The following ZNF804B variants were observed in gnomAD, a reference collection of about 807,000 sequenced individuals.
ZNF804B encodes the protein zinc finger 804B.
In ZNF804B, 80 loss-of-function variants were observed where a neutral mutation model predicts 101.4. The ratio of observed to expected loss-of-function variants is 0.79; its 90% CI spans 0.66 to 0.95. The LOEUF is 0.95. ZNF804B is among the 40% of genes least tolerant of loss of function. The probability of loss-of-function intolerance (pLI) is 0.00; values close to 1 mark genes in which losing one functional copy is unlikely to be tolerated. For synonymous variants in ZNF804B, 622 were observed against 558.8 expected (o/e 1.11, Z -1.59); for missense variants, 1,673 against 1,561.9 (o/e 1.07, Z -1.20).
intron 1 of ZNF804B, among the ~76,000 whole-genome samples, chr7:88,942,503 T>A (rs994440274): frequency 2.2e-5 from 1 of 45,022 alleles, no homozygotes; most frequent in African/African-American, 5.9e-5. Context: ...TTTGAGTGAG[T>A]GTGTGTGTGT....
chr7:89,026,566 T>G (rs913527167), intron 1 of ZNF804B, among the ~76,000 whole-genome samples: 3 of 152,152 alleles, frequency 2.0e-5, no homozygotes, highest in Non-Finnish European at 4.4e-5. Context: ...AATGGTGACT[T>G]GACCTGGGTA....
intron 2 of ZNF804B, among the ~76,000 whole-genome samples, chr7:89,258,637 C>A (rs1387604609): frequency 6.6e-6 from 1 of 152,108 alleles, no homozygotes; most frequent in Non-Finnish European, 1.5e-5. Context: ...CCATGTATAA[C>A]TTTTAACTCC....
At chr7:89,276,743 A>G (rs1244293986) in intron 2 of ZNF804B, among the ~76,000 whole-genome samples, 1 of 151,922 alleles carries the variant, frequency 6.6e-6, no homozygotes, top group Non-Finnish European at 1.5e-5. Flanking sequence ...TTTAAATAAC[A>G]TTAAAATTAA....
chr7:89,087,509 TAC>T (rs1167080697), intron 1 of ZNF804B, among the ~76,000 whole-genome samples: 4 of 151,990 alleles, frequency 2.6e-5, no homozygotes, highest in South Asian at 2.1e-4. Context: ...AAGTAAATAT[TAC>T]AGTTATTTAA....
At chr7:88,979,748 T>C (rs180967710) in intron 1 of ZNF804B, among the ~76,000 whole-genome samples, 1 of 151,900 alleles carries the variant, frequency 6.6e-6, no homozygotes, top group Admixed American at 6.6e-5. Flanking sequence ...AATATTGATA[T>C]GTTTCTCTAT....
At chr7:89,111,340 A>G (rs1403679863) in intron 1 of ZNF804B, among the ~76,000 whole-genome samples, 3 of 152,348 alleles carry the variant, frequency 2.0e-5, no homozygotes, top group East Asian at 1.9e-4. Context: ...ATGAATTTGC[A>G]TTCCCTTCAG....
chr7:89,192,836 G>C (rs1381179060), intron 1 of ZNF804B, among the ~76,000 whole-genome samples: 1 of 152,028 alleles, frequency 6.6e-6, no homozygotes, highest in African/African-American at 2.4e-5. Context: ...AGGATGCAAG[G>C]TTAGTTCAAC....
intron 1 of ZNF804B, among the ~76,000 whole-genome samples, chr7:88,974,389 A>G (rs1421922775): frequency 6.6e-6 from 1 of 151,370 alleles, no homozygotes; most frequent in African/African-American, 2.4e-5. Flanking sequence ...TTCTTACAAC[A>G]TAAATGATAA....
chr7:89,129,558 CAG>C (rs1407168487), intron 1 of ZNF804B, among the ~76,000 whole-genome samples: 1 of 152,014 alleles, frequency 6.6e-6, no homozygotes, highest in Non-Finnish European at 1.5e-5. Context: ...CAGTAGTTCT[CAG>C]AGTCTTAGAT....
At chr7:88,958,908 A>T (rs1386439021) in intron 1 of ZNF804B, among the ~76,000 whole-genome samples, 1 of 151,488 alleles carries the variant, frequency 6.6e-6, no homozygotes. Context: ...TTGTCTTCCC[A>T]CTAAGGAATT....
chr7:89,225,140 TAGTC>T (rs1179323619), intron 2 of ZNF804B, among the ~76,000 whole-genome samples: 1 of 152,066 alleles, frequency 6.6e-6, no homozygotes, highest in East Asian at 1.9e-4. Flanking sequence ...TTACCTTAAG[TAGTC>T]AGTTACCAAT....
At chr7:88,795,003 T>C in intron 1 of ZNF804B, 1 of 1,423,668 alleles carries the variant, frequency 7.0e-7, no homozygotes. Context: ...ATATTTATGC[T>C]GCCAGGGTAC....
chr7:89,299,686 C>T (rs1208154780), intron 2 of ZNF804B, among the ~76,000 whole-genome samples: 2 of 152,036 alleles, frequency 1.3e-5, no homozygotes, highest in Non-Finnish European at 2.9e-5. Context: ...TCTGACGTGA[C>T]TCACTGCTCT....
At chr7:88,858,786 T>C (rs975927694) in intron 1 of ZNF804B, among the ~76,000 whole-genome samples, 1 of 152,180 alleles carries the variant, frequency 6.6e-6, no homozygotes, top group African/African-American at 2.4e-5. Flanking sequence ...AGAATAATGA[T>C]TTTGAAAATA....
At chr7:89,207,882 T>A (rs1788738335) in intron 1 of ZNF804B, among the ~76,000 whole-genome samples, 1 of 152,178 alleles carries the variant, frequency 6.6e-6, no homozygotes, top group African/African-American at 2.4e-5. Context: ...TCAAGCGTTT[T>A]CCCGACTCAG....
Position 89,337,515 on chromosome 7 carries a change from C to A in ZNF804B, c.*483C>A, listed in dbSNP as rs538361608. ...TGTCGTTAACTATTGACTAAGTTTT[C>A]AATTAATGTAGTCTGTTACTGTATT... On this transcript the variant is annotated 3_prime_UTR_variant, in exon 4 of 4. Coordinates refer to ENST00000333190, the MANE Select transcript of ZNF804B (RefSeq NM_181646.5). 4.6e-5 allele frequency among the ~76,000 whole-genome samples: 7 copies of A among 152,102 alleles called. No individual in the cohort carries two copies. The East Asian group carries it at 1.4e-3, about 29-fold the overall frequency.
intron 1 of ZNF804B, among the ~76,000 whole-genome samples, chr7:88,851,449 T>C (rs1018361623): frequency 7.2e-5 from 11 of 151,930 alleles, no homozygotes; most frequent in African/African-American, 2.7e-4. Context: ...TTGGAAACAA[T>C]GCAAGCTAAA....
chr7:88,831,765 C>T (rs905658041), intron 1 of ZNF804B, among the ~76,000 whole-genome samples: 3 of 151,788 alleles, frequency 2.0e-5, no homozygotes, highest in African/African-American at 4.8e-5. Context: ...ACAGACTGAC[C>T]TTGCTCTTTG....
intron 1 of ZNF804B, among the ~76,000 whole-genome samples, chr7:89,010,438 C>G (rs1325413452): frequency 7.9e-5 from 12 of 152,148 alleles, no homozygotes; most frequent in Admixed American, 7.9e-4. Flanking sequence ...TAGAGAGGTT[C>G]TCTCTTTCTC....
Sources: gnomAD v4.1 joint callset for allele counts (sites outside exome capture counted in the v4.1 genomes callset) on GRCh38, gnomAD v4.1.1 for gene constraint, MANE v1.5 for transcripts, NCBI Gene and HGNC (gene_info 2026-07-23, HGNC 2026-07-21) for gene names.